AGMO: variants seen among roughly 807,000 people sequenced by gnomAD.
AGMO encodes the protein alkylglycerol monooxygenase, also known as glyceryl-ether monooxygenase.
AGMO carries 75 observed loss-of-function variants against 60.2 expected under a neutral mutation model. That is an observed-to-expected ratio of 1.25 (90% CI 1.03 to 1.51). The LOEUF (loss-of-function observed/expected upper bound fraction) is 1.51. AGMO is among the 40% of genes most tolerant of loss of function. The pLI is 0.00. For missense variants in AGMO, 763 were observed against 525.5 expected (o/e 1.45, Z -4.42); for synonymous variants, 261 against 177.1 (o/e 1.47, Z -3.76).
the AGMO span, among the ~76,000 whole-genome samples, chr7:15,192,006 C>CACAG: frequency 7.6e-5 from 11 of 145,258 alleles, no homozygotes; most frequent in South Asian, 8.7e-4. Flanking sequence ...CACACACACA[C>CACAG]AGAGAACTAT....
intron 12 of AGMO, among the ~76,000 whole-genome samples, chr7:15,251,661 T>G: frequency 6.6e-6 from 1 of 152,162 alleles, no homozygotes; most frequent in Non-Finnish European, 1.5e-5. Flanking sequence ...CGCAGAAGGA[T>G]CTAGGACAGG....
intron 3 of AGMO, among the ~76,000 whole-genome samples, chr7:15,457,459 T>C (rs1269727938): frequency 6.6e-6 from 1 of 152,198 alleles, no homozygotes. Flanking sequence ...CAATACATTC[T>C]TAGAAACCCT....
At chr7:15,215,114 T>G (rs1270719693) in intron 12 of AGMO, among the ~76,000 whole-genome samples, 1 of 152,116 alleles carries the variant, frequency 6.6e-6, no homozygotes, top group Admixed American at 6.6e-5. Context: ...ACTAGCATTT[T>G]CTTTCCCCAG....
intron 3 of AGMO, among the ~76,000 whole-genome samples, 161 bp from the exon 4 acceptor site, chr7:15,431,269 T>C (rs958365462): frequency 2.9e-4 from 44 of 151,960 alleles, no homozygotes; most frequent in African/African-American, 1.0e-3. Context: ...CCTGAAATAA[T>C]TTTTGGAACC....
intron 12 of AGMO, among the ~76,000 whole-genome samples, chr7:15,254,195 G>C (rs192119642): frequency 6.6e-6 from 1 of 151,886 alleles, no homozygotes; most frequent in Non-Finnish European, 1.5e-5. Context: ...TACAATTTTC[G>C]TGAGAGTGCA....
chr7:15,354,394 ACAC>A lies in AGMO; in HGVS notation c.1263+11117_1263+11119del, dbSNP rs1563105193. On this transcript the variant is annotated intron_variant, in intron 12 of 12. Coordinates refer to ENST00000342526, the MANE Select transcript of AGMO (RefSeq NM_001004320.2). ...GACGTGTGTATACACGTGTGTGTATACACGTGTGTGTACACACGTGTGTGTATA... is the reference window on the plus strand; with the variant it reads ...GACGTGTGTATACACGTGTGTGTATAGTGTGTGTACACACGTGTGTGTATA... 1.6e-3 allele frequency among the ~76,000 whole-genome samples: 78 copies of A among 49,854 alleles called. 7 individuals are homozygous for A. Among genetic ancestry groups the A allele is most frequent in the African/African-American group, 0.011 (72 of 6,322 alleles). 32.7% of individuals were successfully genotyped at this position (49,854 alleles called of 152,430 possible).
chr7:15,310,353 C>G (rs1159684498), intron 12 of AGMO, among the ~76,000 whole-genome samples: 1 of 151,370 alleles, frequency 6.6e-6, no homozygotes, highest in African/African-American at 2.4e-5. Flanking sequence ...GAGTAAGGGG[C>G]CCCTGCAAAA....
intron 10 of AGMO, among the ~76,000 whole-genome samples, chr7:15,383,090 T>C (rs1024725160): frequency 3.3e-5 from 5 of 152,068 alleles, no homozygotes; most frequent in African/African-American, 1.2e-4. Context: ...GGGTACATAA[T>C]CTAGGACCAC....
chr7:15,385,068 G>C (rs1038870816), intron 10 of AGMO, among the ~76,000 whole-genome samples: 4 of 151,700 alleles, frequency 2.6e-5, no homozygotes, highest in Non-Finnish European at 4.4e-5. Context: ...ATTCTATCAG[G>C]GAATTCTCTA....
chr7:15,532,091 G>A (rs945185396), intron 3 of AGMO, among the ~76,000 whole-genome samples: 3 of 152,146 alleles, frequency 2.0e-5, no homozygotes, highest in Non-Finnish European at 4.4e-5. Context: ...TGTATGTTGA[G>A]TGAAGCAGAG....
chr7:15,410,906 T>G (rs571763694), intron 5 of AGMO, among the ~76,000 whole-genome samples: 3 of 152,080 alleles, frequency 2.0e-5, no homozygotes, highest in South Asian at 4.1e-4. Context: ...GAACTACATT[T>G]TTAATCCTCA....
intron 1 of AGMO, among the ~76,000 whole-genome samples, chr7:15,561,106 G>A (rs1204518706): frequency 6.6e-6 from 1 of 152,138 alleles, no homozygotes; most frequent in African/African-American, 2.4e-5. Context: ...ACTAGTGAGT[G>A]TTGTAGGAAT....
intron 12 of AGMO, among the ~76,000 whole-genome samples, chr7:15,345,676 T>C (rs2128551543): frequency 6.6e-6 from 1 of 152,326 alleles, no homozygotes; most frequent in South Asian, 2.1e-4. Context: ...ATTTACCATG[T>C]ACCCTAAGTT....
At chr7:15,196,275 C>T (rs1029061655), downstream of AGMO, among the ~76,000 whole-genome samples, 4 of 152,020 alleles carry the variant, frequency 2.6e-5, no homozygotes, top group African/African-American at 9.7e-5. Flanking sequence ...TCTCGAACTC[C>T]TGACCTCATG....
chr7:15,477,150 AC>A (rs1782616391), intron 3 of AGMO, among the ~76,000 whole-genome samples: 1 of 152,070 alleles, frequency 6.6e-6, no homozygotes, highest in South Asian at 2.1e-4. Context: ...TACAAAGAGA[AC>A]TTCTCAAAAT....
chr7:15,387,704 T>G (rs78077699), intron 8 of AGMO, among the ~76,000 whole-genome samples, 164 bp from the exon 9 acceptor site: 455 of 152,332 alleles, frequency 3.0e-3, no homozygotes, highest in Non-Finnish European at 5.0e-3. Flanking sequence ...TGCTGTAATC[T>G]ATTCTATGCA....
At chr7:15,193,752 T>A in the AGMO span, among the ~76,000 whole-genome samples, 1 of 152,184 alleles carries the variant, frequency 6.6e-6, no homozygotes, top group Non-Finnish European at 1.5e-5. Flanking sequence ...GAGTCTACCA[T>A]AAAGTTCAGT....
At chr7:15,273,461 G>C (rs953333603) in intron 12 of AGMO, among the ~76,000 whole-genome samples, 8 of 152,124 alleles carry the variant, frequency 5.3e-5, no homozygotes, top group Non-Finnish European at 8.8e-5. Flanking sequence ...TGAGGGCTTT[G>C]TTTTGTTCCA....
the AGMO span, among the ~76,000 whole-genome samples, chr7:15,171,451 C>T: frequency 6.6e-6 from 1 of 152,186 alleles, no homozygotes; most frequent in Non-Finnish European, 1.5e-5. Flanking sequence ...CCTTTCCATA[C>T]TATACTTTTT....
Sources: gnomAD v4.1 joint callset for allele counts (sites outside exome capture counted in the v4.1 genomes callset) on GRCh38, gnomAD v4.1.1 for gene constraint, MANE v1.5 for transcripts, NCBI Gene and HGNC (gene_info 2026-07-23, HGNC 2026-07-21) for gene names.